SLC6A5: variants seen among roughly 807,000 people sequenced by gnomAD.
SLC6A5 encodes sodium- and chloride-dependent glycine transporter 2.
SLC6A5 carries 58 observed loss-of-function variants against 90.5 expected under a neutral mutation model. The observed-to-expected ratio is 0.64, with a 90% CI of 0.52 to 0.80. The LOEUF is 0.80. Ranked by LOEUF, SLC6A5 falls within the 30% of genes least tolerant of loss-of-function variation. The pLI, the probability that SLC6A5 is intolerant of heterozygous loss-of-function variation, is 0.00. For synonymous variants in SLC6A5, 427 were observed against 401.4 expected, an observed-to-expected ratio of 1.06 and a Z score of -0.76; for missense variants, 1,015 against 1,017.6, an observed-to-expected ratio of 1.00 and a Z score of 0.03.
Position 20,654,644 on chromosome 11 carries a change from A to C in SLC6A5, c.2239-69A>C, listed in dbSNP as rs1010348779. ...AGTGGTCATAAGCAGTTTGGGGATGAGTGGGTCGTCCCCAGGTGAGGAAGG... is the reference window on the plus strand; with the variant it reads ...AGTGGTCATAAGCAGTTTGGGGATGCGTGGGTCGTCCCCAGGTGAGGAAGG... On this transcript the variant is annotated intron_variant, in intron 15 of 15. Transcript: ENST00000525748. 6.2e-5 allele frequency: 94 copies of C among 1,520,244 alleles called. 1 individual carries two copies. The South Asian group carries it at 8.0e-4, about 13-fold the overall frequency. 94.2% of individuals were successfully genotyped at this position (1,520,244 alleles called of 1,614,324 possible). A position where few individuals can be genotyped will look rare whatever the true frequency, so the allele number is the denominator to read the frequency against.
At chr11:20,609,283 ATTTTTTT>A (rs35256884) in intron 5 of SLC6A5, among the ~76,000 whole-genome samples, 12 of 145,516 alleles carry the variant, frequency 8.2e-5, no homozygotes, top group African/African-American at 3.0e-4. Flanking sequence ...TTAATTTTTA[ATTTTTTT>A]TTTTTTGGTG....
At chr11:20,619,712 A>T (rs922004254) in intron 7 of SLC6A5, among the ~76,000 whole-genome samples, 1 of 151,954 alleles carries the variant, frequency 6.6e-6, no homozygotes, top group Non-Finnish European at 1.5e-5. Context: ...AGGTGAGGGT[A>T]ATTGGACTGG....
At chr11:20,600,332 A>C (rs1025868620) in intron 1 of SLC6A5, among the ~76,000 whole-genome samples, 1 of 119,492 alleles carries the variant, frequency 8.4e-6, no homozygotes, top group African/African-American at 2.9e-5. Context: ...AAAAAGAAGA[A>C]GAGGAAGAAG....
chr11:20,601,402 G>A lies in SLC6A5; in HGVS notation c.277G>A (p.Ala93Thr). ...SSPRAQAASAALRDLREAQGA... is the reference protein window; with the variant it reads ...SSPRAQAASATLRDLREAQGA... ...CCCGCGGGCGCAGGCGGCCTCTGCA[G>A]CTCTGCGGGACTTGAGAGAGGCGCA... Residue 93 changes from alanine (A) to threonine (T), a missense_variant, in exon 2 of 16, where the codon GCT (alanine) becomes ACT (threonine). Physicochemically the swap from Ala to Thr is moderately conservative, Grantham distance 58 (BLOSUM62 0). This residue lies in a region of SLC6A5 where 567 missense variants were observed against 507.3 expected (regional missense o/e 1.12). Transcript: ENST00000525748. The A allele has an allele frequency of 6.2e-7, 1 of 1,605,108 alleles. No homozygotes were observed. The highest frequency in any genetic ancestry group is 8.5e-7 in the Non-Finnish European group (1 of 1,176,508).
chr11:20,619,115 G>A (rs1190560129), intron 7 of SLC6A5, among the ~76,000 whole-genome samples: 2 of 152,136 alleles, frequency 1.3e-5, no homozygotes, highest in East Asian at 1.9e-4. Flanking sequence ...ATGTAATGGG[G>A]GATTCTGAGA....
At chr11:20,600,182 T>G (rs1035615705) in intron 1 of SLC6A5, among the ~76,000 whole-genome samples, 3 of 152,020 alleles carry the variant, frequency 2.0e-5, no homozygotes, top group African/African-American at 7.3e-5. Flanking sequence ...GGGGAGAAAG[T>G]GGATAGAAAA....
chr11:20,641,986 T>C (rs1032351875), intron 13 of SLC6A5, among the ~76,000 whole-genome samples: 1 of 151,932 alleles, frequency 6.6e-6, no homozygotes, highest in Admixed American at 6.6e-5. Flanking sequence ...AAATAAACAC[T>C]GGGACTTAGG....
chr11:20,600,539 T>C (rs1852450462), intron 1 of SLC6A5, among the ~76,000 whole-genome samples: 1 of 152,204 alleles, frequency 6.6e-6, no homozygotes, highest in South Asian at 2.1e-4. Context: ...TTATTATCGT[T>C]GTAGGTTTTT....
intron 7 of SLC6A5, among the ~76,000 whole-genome samples, chr11:20,619,180 G>C (rs1312125205): frequency 6.6e-6 from 1 of 152,156 alleles, no homozygotes; most frequent in Non-Finnish European, 1.5e-5. Context: ...GGATTTCTGC[G>C]ATTATGTTAC....
intron 2 of SLC6A5, among the ~76,000 whole-genome samples, chr11:20,602,926 C>A (rs1021491532): frequency 3.3e-5 from 5 of 152,178 alleles, no homozygotes; most frequent in Admixed American, 1.3e-4. Context: ...CTCCGCACTG[C>A]GGCAGAAGGA....
At chr11:20,654,615 T>C (rs1303402181) in intron 15 of SLC6A5, 98 bp from the exon 16 acceptor site, 10 of 1,225,880 alleles carry the variant, frequency 8.2e-6, no homozygotes, top group Non-Finnish European at 1.2e-5. Flanking sequence ...AGGACTCTGG[T>C]CAAAGTGGTC....
chr11:20,626,930 G>A (rs1853008575), intron 8 of SLC6A5, 88 bp downstream of exon 8: 2 of 1,056,396 alleles, frequency 1.9e-6, no homozygotes, highest in Non-Finnish European at 3.0e-6. Flanking sequence ...CCTCCTCCAG[G>A]GAATCCCAGT....
At chr11:20,645,517 A>G (rs1853395777) in intron 13 of SLC6A5, among the ~76,000 whole-genome samples, 1 of 152,170 alleles carries the variant, frequency 6.6e-6, no homozygotes, top group Non-Finnish European at 1.5e-5. Context: ...AGGTCTAGAA[A>G]GAAGGCCTGA....
At chr11:20,629,949 C>T (rs1853076619) in intron 9 of SLC6A5, among the ~76,000 whole-genome samples, 1 of 152,112 alleles carries the variant, frequency 6.6e-6, no homozygotes, top group Non-Finnish European at 1.5e-5. Flanking sequence ...TCTCGAACTC[C>T]TGACCTCAGG....
intron 10 of SLC6A5, among the ~76,000 whole-genome samples, chr11:20,632,188 T>A (rs982126018): frequency 6.6e-6 from 1 of 152,156 alleles, no homozygotes; most frequent in Non-Finnish European, 1.5e-5. Context: ...TGTAACCTCA[T>A]TTCCTCCTAG....
rs750336593 is a variant in SLC6A5 at position 20,601,462 on chromosome 11, G to A, written c.337G>A (p.Gly113Arg). ...GGCCTCGCCCCCTCCCGGGAGCTCC[G>A]GGCCCGGCAACGCGCTGCACTGTAA... is the stretch of plus-strand genomic sequence containing the variant. ...AQASPPPGSS[G>R]PGNALHCKIP... Residue 113 changes from glycine (G) to arginine (R), a missense_variant, in exon 2 of 16, where the codon GGG becomes AGG. Coordinates refer to ENST00000525748, the MANE Select transcript of SLC6A5 (RefSeq NM_004211.5). The A allele has an allele frequency of 6.2e-7, 1 of 1,610,510 alleles. No individual in the cohort carries two copies. The highest frequency in any genetic ancestry group is 1.1e-5 in the South Asian group (1 of 90,546).
At chr11:20,652,191 G>C (rs1853546388) in intron 14 of SLC6A5, 98 bp from the exon 15 acceptor site, 1 of 1,102,804 alleles carries the variant, frequency 9.1e-7, no homozygotes. Flanking sequence ...GAATAATAGA[G>C]ACGAAAGCAT....
intron 5 of SLC6A5, among the ~76,000 whole-genome samples, chr11:20,612,741 A>C (rs1852716946): frequency 6.6e-6 from 1 of 152,190 alleles, no homozygotes; most frequent in African/African-American, 2.4e-5. Flanking sequence ...GCTGGTCTTG[A>C]AGTCTTGGGC....
intron 5 of SLC6A5, among the ~76,000 whole-genome samples, chr11:20,608,918 GTCTGTCTCTC>G (rs1316607148): frequency 2.3e-4 from 18 of 79,260 alleles, no homozygotes; most frequent in Middle Eastern, 6.5e-3. Flanking sequence ...CTGTCTGTCT[GTCTGTCTCTC>G]TCTCTCTCTC....
Sources: gnomAD v4.1 joint callset for allele counts (sites outside exome capture counted in the v4.1 genomes callset) on GRCh38, gnomAD v4.1.1 for gene constraint, gnomAD v4.1.1 regional missense constraint, MANE v1.5 for transcripts, NCBI Gene and HGNC (gene_info 2026-07-23, HGNC 2026-07-21) for gene names.